PTPRD: variants seen among roughly 807,000 people sequenced by gnomAD.
The protein encoded by PTPRD is protein tyrosine phosphatase receptor type D.
Under a neutral mutation model 214.5 loss-of-function variants are expected in PTPRD, and 34 were observed. The observed-to-expected ratio is 0.16, with a 90% CI of 0.12 to 0.21. The LOEUF (loss-of-function observed/expected upper bound fraction) is 0.21. Among genes scored for constraint, PTPRD ranks in the 10% least tolerant of loss-of-function variants. PTPRD has a pLI of 1.00. For synonymous variants in PTPRD, 1,128 were observed against 845.7 expected (o/e 1.33, Z -5.79); for missense variants, 2,545 against 2,398.7 (o/e 1.06, Z -1.27).
At chr9:9,536,951 A>G (rs967320399) in intron 8 of PTPRD, among the ~76,000 whole-genome samples, 5 of 151,964 alleles carry the variant, frequency 3.3e-5, no homozygotes, top group African/African-American at 7.2e-5. Flanking sequence ...TGGTCCAGGA[A>G]CAGCTAAGTA....
chr9:8,917,490 G>A (rs2098795632), intron 11 of PTPRD, among the ~76,000 whole-genome samples: 2 of 151,906 alleles, frequency 1.3e-5, no homozygotes, highest in African/African-American at 4.8e-5. Context: ...GGAAGCACAG[G>A]TCTAAGCTGT....
chr9:9,569,662 A>G (rs930927011), intron 8 of PTPRD, among the ~76,000 whole-genome samples: 2 of 151,638 alleles, frequency 1.3e-5, no homozygotes, highest in South Asian at 2.1e-4. Flanking sequence ...TAACATACAC[A>G]TTTTTATAGA....
chr9:10,297,875 A>C (rs1310319590), intron 3 of PTPRD, among the ~76,000 whole-genome samples: 1 of 152,020 alleles, frequency 6.6e-6, no homozygotes, highest in Non-Finnish European at 1.5e-5. Context: ...TCAGACATAG[A>C]AATAAGGCAT....
At chr9:9,260,843 C>A (rs2099979798) in intron 9 of PTPRD, among the ~76,000 whole-genome samples, 1 of 151,854 alleles carries the variant, frequency 6.6e-6, no homozygotes. Flanking sequence ...CAAGGCATGA[C>A]AATCATAAGT....
At chr9:10,413,648 G>C (rs7032200) in intron 2 of PTPRD, among the ~76,000 whole-genome samples, 132,837 of 152,038 alleles carry the variant, frequency 0.87, 58,090 homozygotes, top group African/African-American at 0.92. Context: ...CCCAAATAGC[G>C]AAGGCAATCT....
intron 3 of PTPRD, among the ~76,000 whole-genome samples, chr9:10,330,954 C>A (rs531737738): frequency 1.3e-5 from 2 of 151,740 alleles, no homozygotes. Flanking sequence ...TACAAGAATT[C>A]CAGTTTATCT....
At chr9:9,576,401 G>A (rs1316981600) in intron 7 of PTPRD, among the ~76,000 whole-genome samples, 1 of 152,082 alleles carries the variant, frequency 6.6e-6, no homozygotes, top group Non-Finnish European at 1.5e-5. Context: ...TAGACCTCCC[G>A]GGCTCATTTG....
At chr9:9,451,343 A>T (rs2092119274) in intron 8 of PTPRD, among the ~76,000 whole-genome samples, 1 of 151,774 alleles carries the variant, frequency 6.6e-6, no homozygotes, top group African/African-American at 2.4e-5. Flanking sequence ...AAATAGAAAT[A>T]TTAAATAATT....
intron 4 of PTPRD, among the ~76,000 whole-genome samples, chr9:9,970,468 A>G (rs10978142): frequency 0.036 from 5,414 of 150,360 alleles, 147 homozygotes; most frequent in East Asian, 0.11. Flanking sequence ...AAAAGAAAAA[A>G]AAAATTACTT....
intron 14 of PTPRD, among the ~76,000 whole-genome samples, chr9:8,575,748 T>A (rs1246368416): frequency 1.1e-4 from 16 of 152,216 alleles, no homozygotes. Context: ...AAAATGAGTT[T>A]AAGTTGCAAA....
chr9:9,749,624 C>G (rs1347679164), intron 6 of PTPRD, among the ~76,000 whole-genome samples: 2 of 152,078 alleles, frequency 1.3e-5, no homozygotes, highest in Non-Finnish European at 2.9e-5. Context: ...AATGTACACA[C>G]CACAGGGTCA....
At position 10,248,970 on chromosome 9, in the gene PTPRD, T is replaced by G. The variant is rs116755347; in HGVS notation, c.-545+91993A>C. On this transcript the variant is annotated intron_variant, in intron 3 of 45. Coordinates refer to ENST00000381196, the MANE Select transcript of PTPRD (RefSeq NM_002839.4). ...TCATATTTACCTAAGGGGTCAGTAA[T>G]ACGTAGTAGCCTAGAAGTTTGATCC... is the stretch of plus-strand genomic sequence containing the variant. Among the ~76,000 whole-genome samples, 347 of 152,142 alleles carry G rather than the reference T, an allele frequency of 2.3e-3. 1 individual carries two copies. Among genetic ancestry groups the G allele is most frequent in the African/African-American group, 8.2e-3 (339 of 41,512 alleles).
chr9:9,338,861 G>C (rs553968094), intron 9 of PTPRD, among the ~76,000 whole-genome samples: 2 of 152,000 alleles, frequency 1.3e-5, no homozygotes, highest in South Asian at 4.2e-4. Context: ...CCCCTCGACA[G>C]GCCCTGGTGT....
chr9:8,903,603 C>A (rs573839853), intron 11 of PTPRD, among the ~76,000 whole-genome samples: 1 of 152,034 alleles, frequency 6.6e-6, no homozygotes, highest in Admixed American at 6.6e-5. Context: ...ATGAAGTATC[C>A]CCAAACTATT....
intron 44 of PTPRD, among the ~76,000 whole-genome samples, chr9:8,324,785 T>C (rs571407146): frequency 6.6e-6 from 1 of 152,228 alleles, no homozygotes; most frequent in African/African-American, 2.4e-5. Context: ...TTTTTAATGA[T>C]CGACATTCTA....
At chr9:9,915,767 T>C (rs550678502) in intron 5 of PTPRD, among the ~76,000 whole-genome samples, 4 of 152,094 alleles carry the variant, frequency 2.6e-5, no homozygotes, top group South Asian at 2.1e-4. Context: ...TATGTTATTA[T>C]AAGCATTCAA....
chr9:10,402,454 G>A (rs1240111568), intron 2 of PTPRD, among the ~76,000 whole-genome samples: 1 of 151,646 alleles, frequency 6.6e-6, no homozygotes, highest in Non-Finnish European at 1.5e-5. Context: ...TTAATTTTAA[G>A]ATGAGAAAAT....
In PTPRD at chr9:10,098,511, A is replaced by G. The variant is rs142660636; in HGVS notation, c.-544-64721T>C. Among the ~76,000 whole-genome samples, 249 of 151,884 alleles carry G rather than the reference A, an allele frequency of 1.6e-3. 1 individual carries two copies. The highest frequency in any genetic ancestry group is 5.7e-3 in the African/African-American group (236 of 41,476). ...AGTATAATAATAATAAAATAAAATA[A>G]AAATAAAAATAAAAAATGCTACTTC... On this transcript the variant is annotated intron_variant, in intron 3 of 45. Coordinates refer to ENST00000381196, the MANE Select transcript of PTPRD (RefSeq NM_002839.4).
intron 7 of PTPRD, among the ~76,000 whole-genome samples, chr9:9,595,291 TATA>T (rs1563935365): frequency 6.5e-3 from 20 of 3,084 alleles, no homozygotes; most frequent in South Asian, 0.05. Flanking sequence ...ATATATATTA[TATA>T]TATATATATA....
Sources: allele counts gnomAD v4.1 joint callset (sites outside exome capture counted in the v4.1 genomes callset), GRCh38; gene constraint gnomAD v4.1.1; transcripts MANE v1.5; gene names NCBI Gene and HGNC (gene_info 2026-07-23, HGNC 2026-07-21).